The following MNS1 variants were observed in gnomAD, a reference collection of about 807,000 sequenced individuals.
MNS1 encodes the protein meiosis specific nuclear structural 1.
A neutral mutation model predicts 72.0 loss-of-function variants in MNS1; 63 were observed. That is an observed-to-expected ratio of 0.87 (90% CI 0.71 to 1.08). The LOEUF (loss-of-function observed/expected upper bound fraction) is 1.08. Among genes scored for constraint, MNS1 ranks in the 50% least tolerant of loss-of-function variants. The pLI is 0.00. For synonymous variants in MNS1, 188 were observed against 172.1 expected (o/e 1.09, Z -0.72); for missense variants, 604 against 562.4 (o/e 1.07, Z -0.75).
At chr15:56,451,887 T>A (rs560939983) in intron 3 of MNS1, among the ~76,000 whole-genome samples, 1 of 152,232 alleles carries the variant, frequency 6.6e-6, no homozygotes, top group Admixed American at 6.5e-5. Flanking sequence ...GATTTTTTTT[T>A]ATTACTTACG....
At chr15:56,445,981 A>G (rs1346439881) in intron 4 of MNS1, 1 of 152,092 alleles carries the variant, frequency 6.6e-6, no homozygotes, top group African/African-American at 2.4e-5. Flanking sequence ...ACCTAAAGGT[A>G]TTCCTGTTAA....
chr15:56,439,751 TA>T (rs374476223), intron 7 of MNS1, among the ~76,000 whole-genome samples: 4,708 of 82,436 alleles, frequency 0.057, 173 homozygotes, highest in African/African-American at 0.15. Context: ...TGGAAAAGCA[TA>T]AAAAAAAAAA....
intron 7 of MNS1, among the ~76,000 whole-genome samples, chr15:56,440,883 ATTTGGGTTATTTCTACT>A (rs1307036755): frequency 1.1e-4 from 16 of 152,228 alleles, no homozygotes; most frequent in Admixed American, 5.9e-4. Flanking sequence ...TCCATTAGAC[ATTTGGGTTATTTCTACT>A]TTTGGGTTAT....
chr15:56,459,286 A>C (rs994928274), intron 2 of MNS1, among the ~76,000 whole-genome samples: 13 of 152,234 alleles, frequency 8.5e-5, no homozygotes, highest in African/African-American at 2.9e-4. Flanking sequence ...AGCATGTATC[A>C]GTAATTCATT....
Position 56,443,429 on chromosome 15 carries a change from CT to C in MNS1, c.1011del (p.Glu338LysfsTer7). On this transcript the variant is annotated frameshift_variant and splice_region_variant, in exon 7 of 10. Coordinates refer to ENST00000260453, the MANE Select transcript of MNS1 (RefSeq NM_018365.4). LOFTEE classifies it high-confidence loss of function. ...TCATTCTTTCCATTTCTGAAACTTA[CT>C]TTTAGCTTGCTCTTATATATTTCAG... Reference protein sequence around the residue: ...EQAEIYKSKLKEEAEKKLRKQ... With the variant: ...EQAEIYKSKLXEEAEKKLRKQ... 1 of 1,558,268 alleles carries C rather than the reference CT, an allele frequency of 6.4e-7. No individual in the cohort carries two copies. The highest frequency in any genetic ancestry group is 8.6e-7 in the Non-Finnish European group (1 of 1,160,102).
rs2050599239 is a variant in MNS1 at position 56,431,631 on chromosome 15, GATAATAT to G, written c.1270-140_1270-134del. ...ATGACACTAAGTTCAAAAGATTCTA[GATAATAT>G]ATATTTTTAAAATATATATTTTATG... On this transcript the variant is annotated intron_variant, in intron 8 of 9. Coordinates refer to ENST00000260453, the MANE Select transcript of MNS1 (RefSeq NM_018365.4). The G allele has an allele frequency of 1.9e-5, 12 of 631,012 alleles. No homozygotes were observed. In the East Asian group the frequency reaches 4.3e-4, roughly 23 times the overall value. 39.1% of individuals were successfully genotyped at this position (631,012 alleles called of 1,614,324 possible).
chr15:56,449,932 T>C (rs1365445945), intron 3 of MNS1, among the ~76,000 whole-genome samples: 1 of 152,214 alleles, frequency 6.6e-6, no homozygotes, highest in Non-Finnish European at 1.5e-5. Context: ...TATTTGTGCA[T>C]TCTCTTTTAC....
At position 56,434,265 on chromosome 15, in the gene MNS1, G is replaced by A; in HGVS notation, c.1142C>T (p.Ala381Val). Reference protein sequence around the residue: ...EEENFRKTMLAKFAEDDRIEL... With the variant: ...EEENFRKTMLVKFAEDDRIEL... ...TATTCGATCATCCTCAGCAAATTTA[G>A]CTAGCATAGTTTTTCTAAAGTTCTC... Residue 381 changes from alanine to valine, a missense_variant, in exon 8 of 10, where the codon GCT (alanine) becomes GTT (valine). By Grantham distance (64) the Ala-to-Val change is moderately conservative. Transcript: ENST00000260453. 1 of 1,613,874 alleles carries A rather than the reference G, an allele frequency of 6.2e-7. No homozygotes were observed. The highest frequency in any genetic ancestry group is 1.7e-5 in the Admixed American group (1 of 59,942).
chr15:56,464,665 T>C (rs1266056726), intron 1 of MNS1, among the ~76,000 whole-genome samples: 1 of 152,120 alleles, frequency 6.6e-6, no homozygotes, highest in African/African-American at 2.4e-5. Context: ...ATAAATGTAA[T>C]AGGTCAATTC....
intron 2 of MNS1, among the ~76,000 whole-genome samples, chr15:56,462,867 G>C (rs1458596912): frequency 2.0e-5 from 3 of 151,874 alleles, no homozygotes; most frequent in African/African-American, 7.3e-5. Flanking sequence ...GGAAAGAGTT[G>C]GTGTGATACC....
intron 9 of MNS1, among the ~76,000 whole-genome samples, chr15:56,431,106 A>G (rs1045649942): frequency 1.3e-5 from 2 of 152,204 alleles, no homozygotes; most frequent in Non-Finnish European, 2.9e-5. Flanking sequence ...GTAAGCTGAC[A>G]TCTTGCCACT....
intron 7 of MNS1, among the ~76,000 whole-genome samples, chr15:56,442,197 C>T (rs1167334633): frequency 1.3e-5 from 2 of 152,086 alleles, no homozygotes; most frequent in Non-Finnish European, 2.9e-5. Flanking sequence ...TATCTCACAT[C>T]AGTCAGAATG....
intron 3 of MNS1, among the ~76,000 whole-genome samples, chr15:56,451,793 G>A (rs771571104): frequency 3.3e-5 from 5 of 152,096 alleles, no homozygotes; most frequent in African/African-American, 9.7e-5. Flanking sequence ...TGAACCCATC[G>A]TACATCAAGG....
chr15:56,460,009 A>AAAT lies in MNS1; in HGVS notation c.226-3489_226-3488insATT. 4.5e-4 allele frequency among the ~76,000 whole-genome samples: 12 copies of AAAT among 26,390 alleles called. 3 individuals carry two copies. The highest frequency in any genetic ancestry group is 7.7e-4 in the Non-Finnish European group (11 of 14,312). 17.3% of individuals were successfully genotyped at this position (26,390 alleles called of 152,430 possible). A position where few individuals can be genotyped will look rare whatever the true frequency, so the allele number is the denominator to read the frequency against. Reference sequence around the variant, plus strand: ...CTGTCTCAAAAAAAAAAAAAAAAAAAATACATATATATATATATATATATA... The same window carrying AAAT: ...CTGTCTCAAAAAAAAAAAAAAAAAAAAATATACATATATATATATATATATATA... On this transcript the variant is annotated intron_variant, in intron 2 of 9. Transcript: ENST00000260453.
At chr15:56,442,429 A>G (rs571125234) in intron 7 of MNS1, among the ~76,000 whole-genome samples, 1 of 152,342 alleles carries the variant, frequency 6.6e-6, no homozygotes, top group South Asian at 2.1e-4. Flanking sequence ...CCATAATGAC[A>G]CATGCATGTG....
At chr15:56,445,383 G>C (rs1382721556) in intron 4 of MNS1, among the ~76,000 whole-genome samples, 1 of 151,912 alleles carries the variant, frequency 6.6e-6, no homozygotes, top group African/African-American at 2.4e-5. Context: ...AATATACTGA[G>C]GCAATTTTTT....
intron 2 of MNS1, among the ~76,000 whole-genome samples, chr15:56,457,649 C>A (rs760400933): frequency 6.6e-6 from 1 of 152,046 alleles, no homozygotes; most frequent in Non-Finnish European, 1.5e-5. Flanking sequence ...TAGAGAGGTG[C>A]TGTCCTTACA....
rs543271697 is a variant in MNS1, at chr15:56,437,139, C to T, written c.1012-2744G>A. 2.7e-5 allele frequency among the ~76,000 whole-genome samples: 4 copies of T among 150,476 alleles called. No individual in the cohort carries two copies. In the South Asian group the frequency reaches 8.4e-4, roughly 31 times the overall value. ...GCATCCTGATACTTTGGTCGTCTGT[C>T]ATCCTGACAGAGACACCACAAAAAA... On this transcript the variant is annotated intron_variant, in intron 7 of 9. Transcript: ENST00000260453.
At chr15:56,462,904 AAAT>A (rs1263514098) in intron 2 of MNS1, among the ~76,000 whole-genome samples, 1 of 152,204 alleles carries the variant, frequency 6.6e-6, no homozygotes, top group African/African-American at 2.4e-5. Context: ...ATTAAAGAGA[AAAT>A]AATAAGAATA....
Sources: allele counts gnomAD v4.1 joint callset (sites outside exome capture counted in the v4.1 genomes callset), GRCh38; gene constraint gnomAD v4.1.1; transcripts MANE v1.5; gene names NCBI Gene and HGNC (gene_info 2026-07-23, HGNC 2026-07-21).